Variants in VPS13B observed in about 807,000 individuals in gnomAD.
VPS13B encodes vacuolar protein sorting 13 homolog B, also known as intermembrane lipid transfer protein VPS13B.
Under a neutral mutation model 426.4 loss-of-function variants are expected in VPS13B, and 285 were observed. The observed-to-expected ratio is 0.67, with a 90% CI of 0.61 to 0.74. The LOEUF (loss-of-function observed/expected upper bound fraction) is 0.74. VPS13B is among the 30% of genes least tolerant of loss of function. The pLI, the probability that VPS13B is intolerant of heterozygous loss-of-function variation, is 0.00. For missense variants in VPS13B, 4,537 were observed against 4,782.6 expected, an observed-to-expected ratio of 0.95 and a Z score of 1.51; for synonymous variants, 1,676 against 1,676.4, an observed-to-expected ratio of 1.00 and a Z score of 0.01.
chr8:99,581,008 C>CACAT (rs1355776909), intron 33 of VPS13B, among the ~76,000 whole-genome samples: 1 of 151,032 alleles, frequency 6.6e-6, no homozygotes, highest in Non-Finnish European at 1.5e-5. Context: ...CACACACACA[C>CACAT]ACACACACAC....
intron 34 of VPS13B, among the ~76,000 whole-genome samples, chr8:99,649,666 T>A (rs1829728060): frequency 6.6e-6 from 1 of 150,432 alleles, no homozygotes; most frequent in African/African-American, 2.4e-5. Flanking sequence ...ACACACACAT[T>A]GGATATTGGG....
chr8:99,554,375 GC>G (rs1236097522), intron 30 of VPS13B, among the ~76,000 whole-genome samples: 1 of 152,074 alleles, frequency 6.6e-6, no homozygotes, highest in Non-Finnish European at 1.5e-5. Flanking sequence ...GCCATCAACT[GC>G]CTCAGATATT....
chr8:99,539,987 A>C (rs1310919827), intron 30 of VPS13B, among the ~76,000 whole-genome samples: 1 of 132,602 alleles, frequency 7.5e-6, no homozygotes, highest in African/African-American at 2.8e-5. Flanking sequence ...ATAGAAATAA[A>C]TGAGTTATAT....
At chr8:99,371,410 A>G (rs1398594947) in intron 19 of VPS13B, among the ~76,000 whole-genome samples, 2 of 152,144 alleles carry the variant, frequency 1.3e-5, no homozygotes, top group East Asian at 1.9e-4. Context: ...GTGTGGTGCT[A>G]TATCTGAGGC....
intron 35 of VPS13B, among the ~76,000 whole-genome samples, chr8:99,683,147 T>C (rs1002793251): frequency 1.3e-5 from 2 of 152,198 alleles, no homozygotes; most frequent in Non-Finnish European, 2.9e-5. Context: ...TTGCACCTAT[T>C]TTAAAAATCA....
At chr8:99,330,248 T>C (rs1028518900) in intron 19 of VPS13B, among the ~76,000 whole-genome samples, 2 of 151,882 alleles carry the variant, frequency 1.3e-5, no homozygotes, top group Non-Finnish European at 2.9e-5. Context: ...CTTTTGATCA[T>C]ATATATAATA....
intron 3 of VPS13B, among the ~76,000 whole-genome samples, chr8:99,085,449 T>G (rs543045456): frequency 1.3e-5 from 2 of 152,352 alleles, no homozygotes; most frequent in South Asian, 2.1e-4. Context: ...ATTTAGCCCA[T>G]TTACATTTAA....
chr8:99,270,785 T>C (rs1446946958), intron 17 of VPS13B, among the ~76,000 whole-genome samples: 2 of 152,274 alleles, frequency 1.3e-5, no homozygotes, highest in Admixed American at 6.5e-5. Context: ...CCCTTAAGGC[T>C]TGAGAGCCAG....
chr8:99,830,082 A>G (rs1296131204), intron 51 of VPS13B, among the ~76,000 whole-genome samples: 1 of 152,144 alleles, frequency 6.6e-6, no homozygotes, highest in Non-Finnish European at 1.5e-5. Flanking sequence ...GGGGTCAGGG[A>G]CCCACTTGAG....
Position 99,069,319 on chromosome 8 carries a change from A to G in VPS13B, c.292-26993A>G, listed in dbSNP as rs200834942. Among the ~76,000 whole-genome samples the G allele has an allele frequency of 4.6e-5, 7 of 152,298 alleles. No individual in the cohort carries two copies. In the East Asian group the frequency reaches 1.4e-3, roughly 29 times the overall value. On this transcript the variant is annotated intron_variant, in intron 3 of 61. Transcript: ENST00000357162. Reference sequence around the variant, plus strand: ...CTTGGTGGCACAAGCCTTTAGTCCTAGCTACTCTGAAGGCTGAGGCAGGCA... The same window carrying G: ...CTTGGTGGCACAAGCCTTTAGTCCTGGCTACTCTGAAGGCTGAGGCAGGCA...
At chr8:99,401,735 G>A (rs1000208355) in intron 21 of VPS13B, among the ~76,000 whole-genome samples, 4 of 152,132 alleles carry the variant, frequency 2.6e-5, no homozygotes, top group East Asian at 1.9e-4. Context: ...GTGTGGTGAC[G>A]CGTGCCTGCA....
At chr8:99,735,708 AG>A (rs1321072454) in intron 39 of VPS13B, among the ~76,000 whole-genome samples, 1 of 152,226 alleles carries the variant, frequency 6.6e-6, no homozygotes, top group Non-Finnish European at 1.5e-5. Context: ...AAACTAATAC[AG>A]GAATCAACAA....
At chr8:99,340,649 T>C in intron 19 of VPS13B, 1 of 415,114 alleles carries the variant, frequency 2.4e-6, no homozygotes, top group East Asian at 6.5e-5. Context: ...AGCACTTTCT[T>C]CCTTGCTAGG....
intron 16 of VPS13B, among the ~76,000 whole-genome samples, chr8:99,170,836 T>A (rs1220928941): frequency 6.6e-6 from 1 of 151,638 alleles, no homozygotes; most frequent in Non-Finnish European, 1.5e-5. Context: ...TGAACCATTT[T>A]TCCAATTTAA....
Position 99,044,853 on chromosome 8 carries a change from TACACACACACACACACACACAC to T in VPS13B, c.291+6312_291+6333del, listed in dbSNP as rs60056711. On this transcript the variant is annotated intron_variant, in intron 3 of 61. Coordinates refer to ENST00000357162, the MANE Select transcript of VPS13B (RefSeq NM_152564.5). ...TATTGCTGAGTAGTATTCCATTTTA[TACACACACACACACACACACAC>T]ACACACACACACACACACACACACC... Among the ~76,000 whole-genome samples the T allele has an allele frequency of 4.4e-3, 615 of 139,886 alleles. 28 individuals carry two copies. In the South Asian group the frequency reaches 0.11, roughly 24 times the overall value. 91.8% of individuals were successfully genotyped at this position (139,886 alleles called of 152,430 possible).
At chr8:99,535,255 T>G (rs1158411278) in intron 30 of VPS13B, among the ~76,000 whole-genome samples, 1 of 152,218 alleles carries the variant, frequency 6.6e-6, no homozygotes, top group African/African-American at 2.4e-5. Flanking sequence ...AGTAAATAAT[T>G]ATTTTCCAAA....
At chr8:99,314,501 T>G (rs1160176335) in intron 19 of VPS13B, among the ~76,000 whole-genome samples, 1 of 152,262 alleles carries the variant, frequency 6.6e-6, no homozygotes, top group Non-Finnish European at 1.5e-5. Flanking sequence ...ATGATTTGTC[T>G]CATGCTGAGA....
chr8:99,770,750 C>T (rs890194753), intron 40 of VPS13B, among the ~76,000 whole-genome samples: 15 of 152,258 alleles, frequency 9.9e-5, no homozygotes, highest in East Asian at 1.9e-4. Flanking sequence ...TGACTGAATC[C>T]GAGGACAAGC....
At chr8:99,344,444 C>T (rs1036360100) in intron 19 of VPS13B, among the ~76,000 whole-genome samples, 6 of 152,152 alleles carry the variant, frequency 3.9e-5, no homozygotes, top group African/African-American at 1.4e-4. Flanking sequence ...TTGGTCTATA[C>T]TTAGGTTGAA....
Sources: allele counts gnomAD v4.1 joint callset (sites outside exome capture counted in the v4.1 genomes callset), GRCh38; gene constraint gnomAD v4.1.1; transcripts MANE v1.5; gene names NCBI Gene and HGNC (gene_info 2026-07-23, HGNC 2026-07-21).